Variants in SUPT3H observed in about 807,000 individuals in gnomAD.
SUPT3H encodes SPT3 homolog, SAGA and STAGA complex component.
In SUPT3H, 44 loss-of-function variants were observed where a neutral mutation model predicts 44.3. That is an observed-to-expected ratio of 0.99 (90% CI 0.78 to 1.28). The LOEUF is 1.28. Among genes scored for constraint, SUPT3H ranks in the 50% most tolerant of loss-of-function variants. The pLI is 0.00. For missense variants in SUPT3H, 380 were observed against 387.1 expected (o/e 0.98, Z 0.15); for synonymous variants, 124 against 125.6 (o/e 0.99, Z 0.09).
At chr6:45,296,185 T>TACACAC (rs201077641) in intron 2 of SUPT3H, among the ~76,000 whole-genome samples, 1,942 of 140,506 alleles carry the variant, frequency 0.014, 56 homozygotes, top group African/African-American at 0.049. Flanking sequence ...ATACACATAC[T>TACACAC]ACACACACAC....
intron 10 of SUPT3H, among the ~76,000 whole-genome samples, chr6:44,889,757 C>G (rs866743720): frequency 2.7e-4 from 41 of 151,984 alleles, no homozygotes; most frequent in East Asian, 5.8e-4. Flanking sequence ...ACAAAATTGA[C>G]AAATGGGATC....
chr6:44,919,190 A>G (rs537978430), intron 10 of SUPT3H, among the ~76,000 whole-genome samples: 57 of 152,340 alleles, frequency 3.7e-4, no homozygotes, highest in Middle Eastern at 3.4e-3. Flanking sequence ...AAGAGCAATG[A>G]CAGAGACGAT....
intron 2 of SUPT3H, among the ~76,000 whole-genome samples, chr6:45,191,702 G>C (rs1019212171): frequency 1.3e-5 from 2 of 151,936 alleles, no homozygotes; most frequent in Admixed American, 6.6e-5. Context: ...ACAAAAATAA[G>C]ATAAATGTGG....
At chr6:45,057,020 CAT>C (rs1211285338) in intron 3 of SUPT3H, among the ~76,000 whole-genome samples, 2 of 151,946 alleles carry the variant, frequency 1.3e-5, no homozygotes, top group Non-Finnish European at 2.9e-5. Context: ...GTATTATAAA[CAT>C]AGAATTGAAA....
intron 3 of SUPT3H, among the ~76,000 whole-genome samples, chr6:45,100,274 T>C (rs1798363790): frequency 6.6e-6 from 1 of 151,652 alleles, no homozygotes; most frequent in Non-Finnish European, 1.5e-5. Context: ...CTACACAAAA[T>C]CAAGAGTTAA....
intron 3 of SUPT3H, among the ~76,000 whole-genome samples, chr6:45,104,745 A>G (rs967248536): frequency 2.6e-5 from 4 of 152,114 alleles, no homozygotes; most frequent in Non-Finnish European, 4.4e-5. Flanking sequence ...AGCTAAAAGA[A>G]GAAAAATATT....
chr6:45,339,172 G>C (rs570876739), intron 2 of SUPT3H, among the ~76,000 whole-genome samples: 16 of 152,018 alleles, frequency 1.1e-4, no homozygotes, highest in Non-Finnish European at 1.0e-4. Flanking sequence ...TAAGAAAAAA[G>C]GGATTGAAAG....
At chr6:45,261,599 T>C (rs931401675) in intron 2 of SUPT3H, among the ~76,000 whole-genome samples, 10 of 152,160 alleles carry the variant, frequency 6.6e-5, no homozygotes, top group Non-Finnish European at 1.0e-4. Context: ...GAATCATCTA[T>C]GGCAAACCCA....
intron 2 of SUPT3H, among the ~76,000 whole-genome samples, chr6:45,257,010 C>G (rs923052549): frequency 6.6e-6 from 1 of 152,176 alleles, no homozygotes; most frequent in African/African-American, 2.4e-5. Context: ...TGAGGAACTA[C>G]TAGTTTGTTT....
At chr6:45,033,812 G>A (rs964263022) in intron 3 of SUPT3H, among the ~76,000 whole-genome samples, 2 of 152,074 alleles carry the variant, frequency 1.3e-5, no homozygotes, top group Non-Finnish European at 2.9e-5. Context: ...TTGAGTTAGT[G>A]TTCAGTTAGA....
chr6:45,177,678 G>C (rs1041486462), intron 2 of SUPT3H, among the ~76,000 whole-genome samples: 1 of 150,958 alleles, frequency 6.6e-6, no homozygotes, highest in African/African-American at 2.4e-5. Context: ...AGAAAGGTCG[G>C]GTTAGCCTCA....
intron 2 of SUPT3H, among the ~76,000 whole-genome samples, chr6:45,215,658 A>G (rs749064585): frequency 2.6e-5 from 4 of 152,160 alleles, no homozygotes; most frequent in Non-Finnish European, 5.9e-5. Flanking sequence ...AAAGAAAGGA[A>G]AAAAAGAATG....
intron 10 of SUPT3H, among the ~76,000 whole-genome samples, chr6:44,870,823 T>G (rs1174205022): frequency 6.6e-6 from 1 of 151,512 alleles, no homozygotes; most frequent in Non-Finnish European, 1.5e-5. Context: ...GGGCGAGGCA[T>G]TCCCTCACCT....
At chr6:45,048,574 G>A (rs1789795293) in intron 3 of SUPT3H, among the ~76,000 whole-genome samples, 1 of 152,050 alleles carries the variant, frequency 6.6e-6, no homozygotes, top group Non-Finnish European at 1.5e-5. Context: ...AACTTAGTAT[G>A]TTTAAGAGGT....
intron 10 of SUPT3H, among the ~76,000 whole-genome samples, chr6:44,898,248 T>A (rs557596674): frequency 1.3e-5 from 2 of 152,342 alleles, no homozygotes; most frequent in South Asian, 4.1e-4. Context: ...CATGCCCTTA[T>A]GTATAGTTCC....
At chr6:45,089,820 C>T (rs1397826444) in intron 3 of SUPT3H, among the ~76,000 whole-genome samples, 1 of 151,992 alleles carries the variant, frequency 6.6e-6, no homozygotes, top group African/African-American at 2.4e-5. Context: ...GAGTCTTTCA[C>T]AGTTCGATAT....
chr6:45,069,083 C>T (rs1793956928), intron 3 of SUPT3H, among the ~76,000 whole-genome samples: 2 of 151,800 alleles, frequency 1.3e-5, no homozygotes, highest in African/African-American at 4.8e-5. Flanking sequence ...AATAGAGAAT[C>T]AATAAGTACT....
intron 10 of SUPT3H, among the ~76,000 whole-genome samples, chr6:44,886,684 C>T (rs572274568): frequency 3.3e-5 from 5 of 152,182 alleles, no homozygotes; most frequent in Admixed American, 2.0e-4. Context: ...TAAAGACCAT[C>T]GAGGCTAGGA....
chr6:45,275,190 A>T (rs941922212), intron 2 of SUPT3H, among the ~76,000 whole-genome samples: 2 of 152,158 alleles, frequency 1.3e-5, no homozygotes, highest in East Asian at 1.9e-4. Flanking sequence ...ATAAACTGGG[A>T]GATGAAAAAG....
Sources: gnomAD v4.1 joint callset for allele counts (sites outside exome capture counted in the v4.1 genomes callset) on GRCh38, gnomAD v4.1.1 for gene constraint, MANE v1.5 for transcripts, NCBI Gene and HGNC (gene_info 2026-07-23, HGNC 2026-07-21) for gene names.